The following ADGRF5 variants were observed in gnomAD, a reference collection of about 807,000 sequenced individuals.
ADGRF5 encodes G-protein coupled receptor 116.
A neutral mutation model predicts 132.3 loss-of-function variants in ADGRF5; 75 were observed. The ratio of observed to expected loss-of-function variants is 0.57; its 90% confidence interval spans 0.47 to 0.69. The LOEUF (loss-of-function observed/expected upper bound fraction) is 0.69. ADGRF5 is among the 30% of genes least tolerant of loss of function. The pLI is 0.00. For synonymous variants in ADGRF5, 629 were observed against 597.6 expected (o/e 1.05, Z -0.77); for missense variants, 1,516 against 1,630.6 (o/e 0.93, Z 1.21).
intron 1 of ADGRF5, among the ~76,000 whole-genome samples, chr6:46,927,165 G>C (rs1777292064): frequency 6.6e-6 from 1 of 151,920 alleles, no homozygotes; most frequent in African/African-American, 2.4e-5. Context: ...TCTGATTGTA[G>C]AGATAATTTC....
intron 1 of ADGRF5, among the ~76,000 whole-genome samples, chr6:46,930,694 C>T (rs1680248828): frequency 6.6e-6 from 1 of 152,168 alleles, no homozygotes; most frequent in Admixed American, 6.5e-5. Context: ...CATTTCACAC[C>T]TTCTCTTCTC....
intron 4 of ADGRF5, among the ~76,000 whole-genome samples, chr6:46,886,241 C>T (rs952740768): frequency 7.9e-5 from 12 of 152,286 alleles, no homozygotes; most frequent in African/African-American, 2.6e-4. Flanking sequence ...ACAACACGTT[C>T]GAGTTAATTC....
intron 1 of ADGRF5, among the ~76,000 whole-genome samples, chr6:46,950,696 G>A (rs1393759311): frequency 6.6e-6 from 1 of 152,136 alleles, no homozygotes; most frequent in African/African-American, 2.4e-5. Context: ...TGTATTTTTA[G>A]TAGAGACGGG....
chr6:46,913,734 A>C (rs1023138219), intron 1 of ADGRF5, among the ~76,000 whole-genome samples: 2 of 152,132 alleles, frequency 1.3e-5, no homozygotes, highest in African/African-American at 2.4e-5. Flanking sequence ...TTTGTTTGTA[A>C]ATTGAAGTAG....
intron 1 of ADGRF5, among the ~76,000 whole-genome samples, chr6:46,953,683 A>ATATATATATATC (rs1778610624): frequency 3.9e-5 from 5 of 126,640 alleles, no homozygotes; most frequent in African/African-American, 1.4e-4. Context: ...ATATATATAT[A>ATATATATATATC]TATATATCTC....
At chr6:46,924,590 C>A (rs535861596), upstream of ADGRF5, among the ~76,000 whole-genome samples, 9 of 152,298 alleles carry the variant, frequency 5.9e-5, no homozygotes, top group South Asian at 1.9e-3. Context: ...AAATGTCTAT[C>A]TCTATCATAG....
intron 1 of ADGRF5, among the ~76,000 whole-genome samples, chr6:46,937,262 G>C (rs988733229): frequency 6.6e-6 from 1 of 151,906 alleles, no homozygotes; most frequent in Admixed American, 6.6e-5. Context: ...GAGTGTGTGT[G>C]TGTTGATGGG....
intron 5 of ADGRF5, 123 bp from the exon 6 acceptor site, chr6:46,883,788 C>T: frequency 3.2e-6 from 2 of 625,478 alleles, no homozygotes; most frequent in Non-Finnish European, 5.5e-6. Context: ...GTCTCCCAGG[C>T]TGGAGTGCAA....
At chr6:46,872,077 G>T (rs1771131512) in intron 10 of ADGRF5, 64 bp from the exon 11 acceptor site, 1 of 1,142,098 alleles carries the variant, frequency 8.8e-7, no homozygotes. Context: ...TAGCAAAGAG[G>T]TCAAATCATT....
In ADGRF5 at chr6:46,862,896, T is replaced by G; in HGVS notation, c.2191A>C (p.Met731Leu). ...ISAPINSLLQ[M>L]AKALIKSPSQ... Reference sequence around the variant, plus strand: ...GAAGCTTTAAGGATCACCTTAGCCATCTGGAGCAGACTGTTTATTGGGGCA... The same window carrying G: ...GAAGCTTTAAGGATCACCTTAGCCAGCTGGAGCAGACTGTTTATTGGGGCA... Residue 731 changes from methionine (M) to leucine (L), a missense_variant, in exon 15 of 21, where the codon ATG (methionine) becomes CTG (leucine). Transcript: ENST00000283296. 1 of 1,607,560 alleles carries G rather than the reference T, an allele frequency of 6.2e-7. No homozygotes were observed. The highest frequency in any genetic ancestry group is 8.5e-7 in the Non-Finnish European group (1 of 1,174,946).
intron 10 of ADGRF5, among the ~76,000 whole-genome samples, chr6:46,875,448 G>A (rs1456084052): frequency 6.6e-6 from 1 of 152,188 alleles, no homozygotes; most frequent in Non-Finnish European, 1.5e-5. Flanking sequence ...AAGACTTTGT[G>A]TGGGGAGTGG....
intron 1 of ADGRF5, among the ~76,000 whole-genome samples, chr6:46,911,852 G>C (rs1029168809): frequency 3.3e-5 from 5 of 152,106 alleles, no homozygotes; most frequent in Non-Finnish European, 7.4e-5. Flanking sequence ...GAAGCTTAAA[G>C]TCTAATGAAG....
At chr6:46,937,240 GT>G (rs1777878792) in intron 1 of ADGRF5, among the ~76,000 whole-genome samples, 5 of 152,054 alleles carry the variant, frequency 3.3e-5, no homozygotes, top group African/African-American at 1.2e-4. Context: ...GTGTGTGTGT[GT>G]GTGTGTGTGT....
At chr6:46,935,959 C>T (rs1777802167) in intron 1 of ADGRF5, among the ~76,000 whole-genome samples, 1 of 152,224 alleles carries the variant, frequency 6.6e-6, no homozygotes, top group Admixed American at 6.5e-5. Context: ...TGACCCTCTC[C>T]CTAATCAGGA....
chr6:46,906,004 A>G (rs773386682), intron 2 of ADGRF5, among the ~76,000 whole-genome samples: 1 of 152,194 alleles, frequency 6.6e-6, no homozygotes. Flanking sequence ...CCAACCAGTA[A>G]CATGCCCTGT....
chr6:46,902,005 T>C lies in ADGRF5; in HGVS notation c.103-1922A>G, dbSNP rs536406647. Among the ~76,000 whole-genome samples the C allele has an allele frequency of 3.3e-5, 5 of 152,346 alleles. No individual in the cohort carries two copies. In the East Asian group the frequency reaches 7.7e-4, roughly 24 times the overall value. On this transcript the variant is annotated intron_variant, in intron 2 of 20. Transcript: ENST00000283296. ...AAATGGGGAGCGACTGTGTACTTGA[T>C]AGTTCATAAACGTTCTTGAAGAAAT...
At chr6:46,941,387 CAAAGAAAAGAAAAGA>C (rs766352637) in intron 1 of ADGRF5, among the ~76,000 whole-genome samples, 1,149 of 83,128 alleles carry the variant, frequency 0.014, 21 homozygotes, top group Middle Eastern at 0.033. Flanking sequence ...AAGAAAGAAA[CAAAGAAAAGAAAAGA>C]AAAGAAAAGA....
chr6:46,926,706 A>G (rs1777266949), upstream of ADGRF5, among the ~76,000 whole-genome samples: 1 of 152,176 alleles, frequency 6.6e-6, no homozygotes, highest in South Asian at 2.1e-4. Flanking sequence ...CACATGCCTC[A>G]GCTGTGATGC....
intron 4 of ADGRF5, 68 bp downstream of exon 4, chr6:46,888,267 C>A: frequency 8.9e-7 from 1 of 1,125,448 alleles, no homozygotes; most frequent in Non-Finnish European, 1.3e-6. Context: ...CTCTGATACT[C>A]AGGAGCTCAG....
Sources: allele counts gnomAD v4.1 joint callset (sites outside exome capture counted in the v4.1 genomes callset), GRCh38; gene constraint gnomAD v4.1.1; transcripts MANE v1.5; gene names NCBI Gene and HGNC (gene_info 2026-07-23, HGNC 2026-07-21).